Variants in IGF2BP2 observed in about 807,000 individuals in gnomAD.
IGF2BP2 encodes the protein insulin like growth factor 2 mRNA binding protein 2.
In IGF2BP2, 17 loss-of-function variants were observed where a neutral mutation model predicts 75.8. That is an observed-to-expected ratio of 0.22 (90% CI 0.15 to 0.34). The LOEUF (loss-of-function observed/expected upper bound fraction) is 0.34, where lower values mean the gene tolerates loss of function less well. Ranked by LOEUF, IGF2BP2 falls within the 10% of genes least tolerant of loss-of-function variation. The pLI, the probability that IGF2BP2 is intolerant of heterozygous loss-of-function variation, is 1.00. For synonymous variants in IGF2BP2, 288 were observed against 295.6 expected (o/e 0.97, Z 0.26); for missense variants, 516 against 772.4 (o/e 0.67, Z 3.93).
intron 15 of IGF2BP2, chr3:185,646,814 T>C (rs1210468842): frequency 8.6e-6 from 5 of 583,948 alleles, no homozygotes; most frequent in Non-Finnish European, 1.5e-5. Context: ...GCTCCTAGCA[T>C]ACATACCTCG....
chr3:185,752,045 T>C (rs1436513982), intron 2 of IGF2BP2, among the ~76,000 whole-genome samples: 1 of 152,116 alleles, frequency 6.6e-6, no homozygotes, highest in Admixed American at 6.5e-5. Flanking sequence ...ACCATACTGT[T>C]TATTACTCTT....
At position 185,645,353 on chromosome 3, in the gene IGF2BP2, C is replaced by T; in HGVS notation, c.*178G>A. On this transcript the variant is annotated 3_prime_UTR_variant, in exon 16 of 16. Coordinates refer to ENST00000382199, the MANE Select transcript of IGF2BP2 (RefSeq NM_006548.6). The surrounding 1 kb of genome is among the most constrained non-coding windows in gnomAD (Gnocchi z 4.9). ...CAAACCTGGCTGACCTTCCCCGCCC[C>T]TCCTCGGCCCCTGGGGTTCTCAGGG... 4 of 586,348 alleles carry T rather than the reference C, an allele frequency of 6.8e-6. No homozygotes were observed. Among genetic ancestry groups the T allele is most frequent in the Non-Finnish European group, 1.2e-5 (4 of 327,020 alleles). The allele number at this position is 586,348 out of a possible 1,614,324, so 36.3% of individuals were successfully genotyped here.
At chr3:185,809,416 A>C (rs1307843574) in intron 2 of IGF2BP2, among the ~76,000 whole-genome samples, 1 of 152,208 alleles carries the variant, frequency 6.6e-6, no homozygotes, top group East Asian at 1.9e-4. Context: ...AAGAACCTTC[A>C]TACCTAAAAT....
chr3:185,764,632 G>A (rs1408241640), intron 2 of IGF2BP2, among the ~76,000 whole-genome samples: 1 of 152,304 alleles, frequency 6.6e-6, no homozygotes, highest in African/African-American at 2.4e-5. Context: ...CTTTTCTAGA[G>A]ATCATCTTCA....
At chr3:185,686,084 C>T (rs1279970858) in intron 7 of IGF2BP2, among the ~76,000 whole-genome samples, 2 of 152,152 alleles carry the variant, frequency 1.3e-5, no homozygotes, top group Non-Finnish European at 2.9e-5. Flanking sequence ...ATAATTACTT[C>T]ATAAAATAAG....
chr3:185,679,239 A>T (rs1720003231), intron 7 of IGF2BP2, among the ~76,000 whole-genome samples: 1 of 146,384 alleles, frequency 6.8e-6, no homozygotes, highest in Non-Finnish European at 1.5e-5. Context: ...TATTATAGTG[A>T]TGTGCTTTGA....
chr3:185,652,365 G>T (rs74809279), intron 12 of IGF2BP2, among the ~76,000 whole-genome samples, 197 bp from the exon 13 acceptor site: 2,376 of 152,214 alleles, frequency 0.016, 43 homozygotes, highest in East Asian at 0.057. Context: ...TATCAAATTT[G>T]GGTTTTTGGC....
chr3:185,817,040 T>C (rs1051486634), intron 2 of IGF2BP2, among the ~76,000 whole-genome samples: 2 of 152,244 alleles, frequency 1.3e-5, no homozygotes, highest in Admixed American at 1.3e-4. Flanking sequence ...TATTTTGATA[T>C]GGGTAAATAA....
At chr3:185,667,923 T>G (rs764537368) in intron 10 of IGF2BP2, among the ~76,000 whole-genome samples, 6 of 152,240 alleles carry the variant, frequency 3.9e-5, no homozygotes, top group Non-Finnish European at 1.5e-5. Flanking sequence ...AATAAAATAT[T>G]TTTAAATTAA....
chr3:185,799,935 C>T (rs1340711117), intron 2 of IGF2BP2, among the ~76,000 whole-genome samples: 1 of 152,122 alleles, frequency 6.6e-6, no homozygotes, highest in Non-Finnish European at 1.5e-5. Context: ...TGGGTATATA[C>T]CCAAAGGATT....
intron 4 of IGF2BP2, among the ~76,000 whole-genome samples, chr3:185,694,497 AAAG>A: frequency 6.6e-6 from 1 of 152,332 alleles, no homozygotes; most frequent in Admixed American, 6.5e-5. Flanking sequence ...ACTGGGCATG[AAAG>A]TTCTATAAAG....
intron 5 of IGF2BP2, among the ~76,000 whole-genome samples, 175 bp from the exon 6 acceptor site, chr3:185,689,802 A>G (rs1364417007): frequency 4.0e-5 from 6 of 151,804 alleles, no homozygotes; most frequent in Non-Finnish European, 8.8e-5. Flanking sequence ...CCCCGTCTCT[A>G]CTAAAAATAC....
intron 2 of IGF2BP2, among the ~76,000 whole-genome samples, chr3:185,755,230 C>T (rs1206658166): frequency 6.6e-6 from 1 of 152,216 alleles, no homozygotes; most frequent in Non-Finnish European, 1.5e-5. Context: ...CCCCCATCTC[C>T]ACTGCTCCAG....
intron 2 of IGF2BP2, among the ~76,000 whole-genome samples, chr3:185,801,828 T>TC (rs1203857570): frequency 6.6e-6 from 1 of 152,158 alleles, no homozygotes; most frequent in African/African-American, 2.4e-5. Flanking sequence ...CATGGAATAC[T>TC]ATGTAGCCAT....
intron 2 of IGF2BP2, among the ~76,000 whole-genome samples, chr3:185,763,805 G>GT (rs138822021): frequency 1.2e-4 from 19 of 152,128 alleles, no homozygotes; most frequent in South Asian, 1.0e-3. Context: ...GTTTTTGCGT[G>GT]TTTTTTTTAA....
At chr3:185,668,284 C>T (rs1004342823) in intron 10 of IGF2BP2, among the ~76,000 whole-genome samples, 2 of 151,858 alleles carry the variant, frequency 1.3e-5, no homozygotes, top group Non-Finnish European at 2.9e-5. Context: ...TAAGTAAAAA[C>T]AAAATTTGTA....
intron 2 of IGF2BP2, among the ~76,000 whole-genome samples, chr3:185,784,267 T>TAGATAGACAGACAGACAGACAGAC (rs144352498): frequency 2.6e-5 from 4 of 151,618 alleles, no homozygotes; most frequent in African/African-American, 9.7e-5. Context: ...GATAGATAGA[T>TAGATAGACAGACAGACAGACAGAC]AGACAGACAG....
intron 2 of IGF2BP2, among the ~76,000 whole-genome samples, chr3:185,778,570 A>C (rs986691090): frequency 1.3e-5 from 2 of 152,202 alleles, no homozygotes; most frequent in Non-Finnish European, 2.9e-5. Context: ...AAGTTGCTTC[A>C]ACATGCAAGT....
intron 2 of IGF2BP2, among the ~76,000 whole-genome samples, chr3:185,804,424 CTT>C (rs756433135): frequency 4.1e-4 from 58 of 141,132 alleles, no homozygotes; most frequent in Non-Finnish European, 7.6e-4. Context: ...AAGAGCGAGA[CTT>C]TGTCTCAAAC....
Sources: allele counts gnomAD v4.1 joint callset (sites outside exome capture counted in the v4.1 genomes callset), GRCh38; gene constraint gnomAD v4.1.1; non-coding constraint Gnocchi (gnomAD v3.1); transcripts MANE v1.5; gene names NCBI Gene and HGNC (gene_info 2026-07-23, HGNC 2026-07-21).